Variants in ARMC1 observed in about 807,000 individuals in gnomAD.
ARMC1 encodes armadillo repeat containing 1, also known as armadillo repeat-containing protein 1.
In ARMC1, 16 loss-of-function variants were observed where a neutral mutation model predicts 31.4. The observed-to-expected ratio is 0.51, with a 90% CI of 0.34 to 0.77. The LOEUF (loss-of-function observed/expected upper bound fraction) is 0.77, where lower values mean the gene tolerates loss of function less well. ARMC1 is among the 30% of genes least tolerant of loss of function. ARMC1 has a pLI of 0.01. For missense variants in ARMC1, 259 were observed against 347.5 expected, an observed-to-expected ratio of 0.75 and a Z score of 2.02; for synonymous variants, 114 against 118.9, an observed-to-expected ratio of 0.96 and a Z score of 0.27.
At chr8:65,629,947 C>G (rs1345195102) in intron 1 of ARMC1, among the ~76,000 whole-genome samples, 1 of 151,376 alleles carries the variant, frequency 6.6e-6, no homozygotes, top group African/African-American at 2.4e-5. Flanking sequence ...GAGTTTGAGA[C>G]CAGTCTGACC....
intron 1 of ARMC1, among the ~76,000 whole-genome samples, chr8:65,629,108 T>C (rs1056237134): frequency 3.3e-5 from 5 of 151,050 alleles, no homozygotes; most frequent in East Asian, 3.9e-4. Context: ...TGAGCCGAGA[T>C]TGCGCCATTG....
At chr8:65,611,741 A>G (rs1389932897) in intron 4 of ARMC1, among the ~76,000 whole-genome samples, 1 of 151,532 alleles carries the variant, frequency 6.6e-6, no homozygotes, top group Non-Finnish European at 1.5e-5. Flanking sequence ...TTTCATGTAT[A>G]TATCACTTTC....
intron 3 of ARMC1, among the ~76,000 whole-genome samples, chr8:65,620,799 T>TAAAAAAAAAAACAA (rs112946805): frequency 2.2e-5 from 3 of 139,144 alleles, no homozygotes; most frequent in African/African-American, 8.2e-5. Context: ...TAGTTCCATT[T>TAAAAAAAAAAACAA]AAAAAAAAAC....
In ARMC1 at chr8:65,622,287, A is replaced by C. The variant is rs1401466236; in HGVS notation, c.251T>G (p.Leu84Trp). Residue 84 changes from leucine to tryptophan, a missense_variant, in exon 3 of 7, where the codon TTG becomes TGG. Transcript: ENST00000276569. ...CTTCTGTATAACATTTTGTAAGCTC[A>C]ACATCATACCCAGTTCTCCTTTCAT... is the stretch of plus-strand genomic sequence containing the variant. The part of the protein sequence containing the change: ...EKMKGELGMM[L>W]SLQNVIQKTT... The C allele has an allele frequency of 1.2e-6, 2 of 1,613,960 alleles. No homozygotes were observed. The highest frequency in any genetic ancestry group is 1.1e-5 in the South Asian group (1 of 91,082).
At chr8:65,608,836 G>A (rs2129041138) in intron 4 of ARMC1, among the ~76,000 whole-genome samples, 1 of 152,136 alleles carries the variant, frequency 6.6e-6, no homozygotes, top group East Asian at 1.9e-4. Context: ...TTGAACCTGG[G>A]AGGTGGACGT....
intron 6 of ARMC1, 55 bp downstream of exon 6, chr8:65,605,208 A>G (rs991281906): frequency 1.4e-6 from 2 of 1,459,394 alleles, no homozygotes; most frequent in Non-Finnish European, 1.9e-6. Flanking sequence ...TCTGCTAGCC[A>G]TAAAAAATAA....
At chr8:65,617,355 C>T (rs539189306) in intron 3 of ARMC1, among the ~76,000 whole-genome samples, 1 of 152,270 alleles carries the variant, frequency 6.6e-6, no homozygotes, top group African/African-American at 2.4e-5. Context: ...TGTGCTGTGT[C>T]CACTCAGGGT....
chr8:65,617,558 C>T (rs1029337723), intron 3 of ARMC1, among the ~76,000 whole-genome samples: 3 of 152,086 alleles, frequency 2.0e-5, no homozygotes, highest in Admixed American at 2.0e-4. Flanking sequence ...CTTCCCTCCA[C>T]TATTGTCCTC....
Position 65,602,534 on chromosome 8 carries a change from T to A in ARMC1, c.*1860A>T, listed in dbSNP as rs563723923. 1.3e-5 allele frequency: 2 copies of A among 152,364 alleles called. No homozygotes were observed. The highest frequency in any genetic ancestry group is 1.3e-4 in the Admixed American group (2 of 15,314). 9.4% of individuals were successfully genotyped at this position (152,364 alleles called of 1,614,324 possible). A position where few individuals can be genotyped will look rare whatever the true frequency, so the allele number is the denominator to read the frequency against. ...TTCAAAAAATGCTGTTACAGTTGTC[T>A]TAACTACTCTATATGATCTGGAATA... On this transcript the variant is annotated 3_prime_UTR_variant, in exon 7 of 7. Transcript: ENST00000276569.
rs1253240480 is a variant in ARMC1, at chr8:65,603,685, A to G, written c.*709T>C. On this transcript the variant is annotated 3_prime_UTR_variant, in exon 7 of 7. Coordinates refer to ENST00000276569, the MANE Select transcript of ARMC1 (RefSeq NM_018120.6). ...ACTAGAACCACATTTGGTCACATTC[A>G]AACAGTCTCCAAAAACACTTCACTA... 6.6e-6 allele frequency: 1 copy of G among 152,214 alleles called. No homozygotes were observed. Among genetic ancestry groups the G allele is most frequent in the East Asian group, 1.9e-4 (1 of 5,206 alleles). 9.4% of individuals were successfully genotyped at this position (152,214 alleles called of 1,614,324 possible).
At chr8:65,612,443 A>T (rs1047757813) in intron 4 of ARMC1, among the ~76,000 whole-genome samples, 2 of 151,724 alleles carry the variant, frequency 1.3e-5, no homozygotes, top group African/African-American at 4.8e-5. Flanking sequence ...GCCACAGAAC[A>T]AGACCCTGTC....
chr8:65,608,509 A>G (rs1309370109), intron 4 of ARMC1, among the ~76,000 whole-genome samples: 2 of 152,004 alleles, frequency 1.3e-5, no homozygotes, highest in Non-Finnish European at 2.9e-5. Context: ...AGCCTGGGCA[A>G]AAGAGCAACT....
At chr8:65,611,750 T>G (rs931328333) in intron 4 of ARMC1, among the ~76,000 whole-genome samples, 3 of 152,138 alleles carry the variant, frequency 2.0e-5, no homozygotes, top group Non-Finnish European at 2.9e-5. Flanking sequence ...TATATCACTT[T>G]CACTTTTATT....
chr8:65,624,832 A>G (rs1238245451), intron 2 of ARMC1, among the ~76,000 whole-genome samples: 1 of 151,810 alleles, frequency 6.6e-6, no homozygotes, highest in East Asian at 1.9e-4. Context: ...AAAACAACAC[A>G]CCCAATGGCC....
intron 3 of ARMC1, among the ~76,000 whole-genome samples, chr8:65,618,477 G>A: frequency 6.7e-6 from 1 of 150,130 alleles, no homozygotes; most frequent in Non-Finnish European, 1.5e-5. Flanking sequence ...AGCCAAGATT[G>A]GGCCACTGCA....
At chr8:65,629,078 C>G (rs896608631) in intron 1 of ARMC1, among the ~76,000 whole-genome samples, 7 of 151,020 alleles carry the variant, frequency 4.6e-5, no homozygotes, top group Admixed American at 4.6e-4. Flanking sequence ...CTGACTGAAC[C>G]TGGGAAGCGG....
intron 4 of ARMC1, among the ~76,000 whole-genome samples, chr8:65,609,703 CA>C (rs1480618476): frequency 6.6e-6 from 1 of 151,652 alleles, no homozygotes; most frequent in East Asian, 1.9e-4. Context: ...ACTAAAAACA[CA>C]AAAATTAGAT....
Position 65,603,934 on chromosome 8 carries a change from A to G in ARMC1, c.*460T>C, listed in dbSNP as rs1807947293. ...AAGAAATGTTTTCAGCTTTCAGTGA[A>G]GAGTACAAAGCATGTACCCTTCATG... On this transcript the variant is annotated 3_prime_UTR_variant, in exon 7 of 7. Coordinates refer to ENST00000276569, the MANE Select transcript of ARMC1 (RefSeq NM_018120.6). The G allele has an allele frequency of 6.5e-6, 1 of 153,000 alleles. No homozygotes were observed. The highest frequency in any genetic ancestry group is 1.5e-5 in the Non-Finnish European group (1 of 68,300). The allele number at this position is 153,000 out of a possible 1,614,324, so 9.5% of individuals were successfully genotyped here.
chr8:65,620,796 A>G (rs888906953), intron 3 of ARMC1, among the ~76,000 whole-genome samples: 38 of 145,220 alleles, frequency 2.6e-4, no homozygotes, highest in African/African-American at 8.6e-4. Flanking sequence ...ATTTAGTTCC[A>G]TTTAAAAAAA....
Sources: gnomAD v4.1 joint callset for allele counts (sites outside exome capture counted in the v4.1 genomes callset) on GRCh38, gnomAD v4.1.1 for gene constraint, MANE v1.5 for transcripts, NCBI Gene and HGNC (gene_info 2026-07-23, HGNC 2026-07-21) for gene names.